Variants in DTX4 observed in about 807,000 individuals in gnomAD.
The protein encoded by DTX4 is E3 ubiquitin-protein ligase DTX4.
DTX4 carries 28 observed loss-of-function variants against 57.6 expected under a neutral mutation model. The observed-to-expected ratio is 0.49, with a 90% CI of 0.36 to 0.67. The LOEUF (loss-of-function observed/expected upper bound fraction) is 0.67, where lower values mean the gene tolerates loss of function less well. DTX4 is among the 30% of genes least tolerant of loss of function. The pLI is 0.00. For synonymous variants in DTX4, 316 were observed against 331.0 expected, an observed-to-expected ratio of 0.95 and a Z score of 0.49; for missense variants, 715 against 836.8, an observed-to-expected ratio of 0.85 and a Z score of 1.80.
chr11:59,185,419 C>T (rs898409186), intron 2 of DTX4: 7 of 152,252 alleles, frequency 4.6e-5, no homozygotes, highest in Non-Finnish European at 1.0e-4. Context: ...AACAAAAGAC[C>T]CTCCATATCA....
At chr11:59,186,816 T>A (rs1436995038) in intron 2 of DTX4, among the ~76,000 whole-genome samples, 1 of 152,238 alleles carries the variant, frequency 6.6e-6, no homozygotes, top group African/African-American at 2.4e-5. Flanking sequence ...CTTCTTTTCT[T>A]GGCCCAGTGG....
At chr11:59,199,901 T>A in intron 8 of DTX4, 128 bp downstream of exon 8, 1 of 753,780 alleles carries the variant, frequency 1.3e-6, no homozygotes, top group Non-Finnish European at 2.1e-6. Flanking sequence ...CTTTTAAGTC[T>A]AGATGCACAC....
In DTX4 at chr11:59,206,178, C is replaced by G. The variant is rs1454690693; in HGVS notation, c.*1269C>G. On this transcript the variant is annotated 3_prime_UTR_variant, in exon 9 of 9. Transcript: ENST00000227451. ...CAAATTTGCTAATCAGAGCCCAGAG[C>G]TGCTGGGTCCCTCATCTCCCTCATC... 1 of 152,242 alleles carries G rather than the reference C, an allele frequency of 6.6e-6. No individual in the cohort carries two copies. The highest frequency in any genetic ancestry group is 1.5e-5 in the Non-Finnish European group (1 of 68,062). 9.4% of individuals were successfully genotyped at this position (152,242 alleles called of 1,614,324 possible).
chr11:59,190,174 C>T (rs551979641), intron 4 of DTX4, among the ~76,000 whole-genome samples: 1 of 152,362 alleles, frequency 6.6e-6, no homozygotes, highest in Non-Finnish European at 1.5e-5. Context: ...AACCCTTGTC[C>T]TACTTTTCCA....
At chr11:59,191,383 A>G (rs1053749449) in intron 5 of DTX4, among the ~76,000 whole-genome samples, 2 of 152,152 alleles carry the variant, frequency 1.3e-5, no homozygotes, top group African/African-American at 4.8e-5. Flanking sequence ...CCTTCAGCAT[A>G]GTGCTGGTTG....
chr11:59,181,994 G>A lies in DTX4; in HGVS notation c.467G>A (p.Arg156His), dbSNP rs1025099565. Residue 156 changes from arginine to histidine, a missense_variant, in exon 2 of 9, where the codon CGC (arginine) becomes CAC (histidine). Arg to His is a conservative substitution (Grantham distance 29). Transcript: ENST00000227451. ...QTQRQRRVRRRLDLIYPMVTG... is the reference protein window; with the variant it reads ...QTQRQRRVRRHLDLIYPMVTG... ...CAGCGCCAACGCCGCGTCCGCCGGC[G>A]CCTCGACCTCATCTACCCCATGGTC... 4.3e-6 allele frequency: 7 copies of A among 1,613,866 alleles called. No homozygotes were observed. The highest frequency in any genetic ancestry group is 1.7e-5 in the Admixed American group (1 of 60,016).
intron 2 of DTX4, among the ~76,000 whole-genome samples, chr11:59,187,519 T>C (rs750224216): frequency 8.5e-5 from 13 of 152,218 alleles, no homozygotes; most frequent in Non-Finnish European, 1.8e-4. Context: ...CAACACAAAG[T>C]AGGGCTCAAT....
In DTX4 at chr11:59,204,538, C is replaced by A. The variant is rs532636884; in HGVS notation, c.1627-138C>A. 43 of 781,260 alleles carry A rather than the reference C, an allele frequency of 5.5e-5. No homozygotes were observed. The East Asian group carries it at 1.2e-3, about 21-fold the overall frequency. The allele number at this position is 781,260 out of a possible 1,614,324, so 48.4% of individuals were successfully genotyped here. A position where few individuals can be genotyped will look rare whatever the true frequency, so the allele number is the denominator to read the frequency against. ...GCTCCCAAACTCCAAGTCCAAATCTCTTTCTTTCCCCTGGGCTGCTTAGGG... is the reference window on the plus strand; with the variant it reads ...GCTCCCAAACTCCAAGTCCAAATCTATTTCTTTCCCCTGGGCTGCTTAGGG... On this transcript the variant is annotated intron_variant, in intron 8 of 8. Coordinates refer to ENST00000227451, the MANE Select transcript of DTX4 (RefSeq NM_015177.2).
At chr11:59,182,547 G>A (rs1590981449) in intron 2 of DTX4, 85 bp downstream of exon 2, 1 of 1,438,124 alleles carries the variant, frequency 7.0e-7, no homozygotes, top group East Asian at 2.5e-5. Flanking sequence ...AGGAGGGGCT[G>A]CCAAGACTTA....
rs1862828475 is a variant in DTX4 at position 59,207,495 on chromosome 11, A to G, written c.*2586A>G. The G allele has an allele frequency of 6.6e-6, 1 of 152,516 alleles. No individual in the cohort carries two copies. The highest frequency in any genetic ancestry group is 2.4e-5 in the African/African-American group (1 of 41,404). The allele number at this position is 152,516 out of a possible 1,614,324, so 9.4% of individuals were successfully genotyped here. ...GCTTTCTGGGCAGTAGGGATCTTGA[A>G]TTTCCTTTCTAACACTGTGCCCGGC... On this transcript the variant is annotated 3_prime_UTR_variant, in exon 9 of 9. Coordinates refer to ENST00000227451, the MANE Select transcript of DTX4 (RefSeq NM_015177.2).
chr11:59,180,277 T>G (rs1420485554), intron 1 of DTX4, among the ~76,000 whole-genome samples: 1 of 151,770 alleles, frequency 6.6e-6, no homozygotes, highest in Non-Finnish European at 1.5e-5. Flanking sequence ...AACTATTGTC[T>G]CCCCCTCCCC....
chr11:59,193,267 T>C (rs1270450690), intron 6 of DTX4, among the ~76,000 whole-genome samples: 3 of 152,246 alleles, frequency 2.0e-5, no homozygotes, highest in Admixed American at 6.5e-5. Flanking sequence ...AAAATGGAGA[T>C]TAAAACTATA....
intron 3 of DTX4, 97 bp downstream of exon 3, chr11:59,188,893 T>C (rs1417097445): frequency 3.8e-5 from 46 of 1,217,316 alleles, no homozygotes; most frequent in Non-Finnish European, 5.1e-5. Context: ...AGAATCTAGA[T>C]ATTAATGAAA....
chr11:59,188,858 A>C (rs1373911587), intron 3 of DTX4, 62 bp downstream of exon 3: 23 of 1,446,584 alleles, frequency 1.6e-5, no homozygotes, highest in Non-Finnish European at 2.1e-5. Flanking sequence ...GAAATAGGTC[A>C]TGAGCATTTG....
Position 59,194,323 on chromosome 11 carries a change from T to C in DTX4, c.1375-885T>C, listed in dbSNP as rs558198601. Among the ~76,000 whole-genome samples, 4 of 152,386 alleles carry C rather than the reference T, an allele frequency of 2.6e-5. No individual in the cohort carries two copies. In the East Asian group the frequency reaches 7.7e-4, roughly 29 times the overall value. On this transcript the variant is annotated intron_variant, in intron 6 of 8. Transcript: ENST00000227451. ...GTATGATTTAAAGCACTATAATTAC[T>C]GGCATCATTCTCTCTTCTAGGTATT...
chr11:59,191,743 C>G (rs181978926), intron 5 of DTX4, among the ~76,000 whole-genome samples: 25 of 152,302 alleles, frequency 1.6e-4, no homozygotes, highest in Non-Finnish European at 2.6e-4. Flanking sequence ...AATACAATTC[C>G]TTTACATTCC....
At chr11:59,174,420 C>T (rs1028504445) in intron 1 of DTX4, among the ~76,000 whole-genome samples, 2 of 142,432 alleles carry the variant, frequency 1.4e-5, no homozygotes, top group East Asian at 4.1e-4. Context: ...GTGTGTTGGG[C>T]GGAGCTGAGC....
intron 2 of DTX4, 94 bp from the exon 3 acceptor site, chr11:59,188,641 G>C: frequency 9.4e-7 from 1 of 1,067,294 alleles, no homozygotes; most frequent in Non-Finnish European, 1.4e-6. Flanking sequence ...TGTCTGCTGT[G>C]TTAAGCACTT....
chr11:59,199,903 G>T, intron 8 of DTX4, 130 bp downstream of exon 8: 1 of 738,734 alleles, frequency 1.4e-6, no homozygotes. Flanking sequence ...TTTAAGTCTA[G>T]ATGCACACAG....
Sources: gnomAD v4.1 joint callset for allele counts (sites outside exome capture counted in the v4.1 genomes callset) on GRCh38, gnomAD v4.1.1 for gene constraint, MANE v1.5 for transcripts, NCBI Gene and HGNC (gene_info 2026-07-23, HGNC 2026-07-21) for gene names.